Variants in PAK5 observed in about 807,000 individuals in gnomAD.
PAK5 encodes p21 (RAC1) activated kinase 5.
PAK5 carries 16 observed loss-of-function variants against 65.9 expected under a neutral mutation model. That is an observed-to-expected ratio of 0.24 (90% confidence interval 0.16 to 0.37). PAK5 has a LOEUF of 0.37. Among genes scored for constraint, PAK5 ranks in the 10% least tolerant of loss-of-function variants. PAK5 has a pLI of 1.00. For missense variants in PAK5, 785 were observed against 903.9 expected, an observed-to-expected ratio of 0.87 and a Z score of 1.69; for synonymous variants, 371 against 354.9, an observed-to-expected ratio of 1.05 and a Z score of -0.51.
chr20:9,765,885 C>T (rs1476510633), intron 1 of PAK5, among the ~76,000 whole-genome samples: 1 of 152,126 alleles, frequency 6.6e-6, no homozygotes, highest in Non-Finnish European at 1.5e-5. Context: ...ATGCTCACTG[C>T]AGCACTACTC....
At chr20:9,810,427 A>G (rs2049285357) in intron 1 of PAK5, among the ~76,000 whole-genome samples, 1 of 152,094 alleles carries the variant, frequency 6.6e-6, no homozygotes, top group Non-Finnish European at 1.5e-5. Flanking sequence ...TAAAAGAACT[A>G]GCCAGGAAGT....
At chr20:9,562,325 G>C (rs56822321) in intron 6 of PAK5, among the ~76,000 whole-genome samples, 1,905 of 152,228 alleles carry the variant, frequency 0.013, 35 homozygotes, top group African/African-American at 0.042. Context: ...GCACATAAAA[G>C]GTGCTCAATA....
At chr20:9,694,406 CT>C (rs2047841040) in intron 2 of PAK5, among the ~76,000 whole-genome samples, 1 of 151,382 alleles carries the variant, frequency 6.6e-6, no homozygotes, top group Admixed American at 6.6e-5. Context: ...TGTATTTCCT[CT>C]TCTCTCTTTT....
chr20:9,802,742 T>C (rs189387699), intron 1 of PAK5, among the ~76,000 whole-genome samples: 7 of 151,648 alleles, frequency 4.6e-5, no homozygotes, highest in African/African-American at 1.7e-4. Flanking sequence ...GATGTGATTG[T>C]TCTGCATCCC....
Position 9,544,477 on chromosome 20 carries a change from A to G in PAK5, c.1761T>C (p.Phe587=), listed in dbSNP as rs1400319687. 10 of 1,613,766 alleles carry G rather than the reference A, an allele frequency of 6.2e-6. No homozygotes were observed. Among genetic ancestry groups the G allele is most frequent in the Non-Finnish European group, 8.5e-6 (10 of 1,179,724 alleles). ...CTTTGGAAACTTGAGCACAGAAACC[A>G]AAATCAGACAACTTTATCTGAAAAG... ...TSDGRIKLSD[F]GFCAQVSKEV... The change falls in exon 8 of 10, where the codon TTT becomes TTC. Residue 587 remains phenylalanine, a synonymous_variant. Coordinates refer to ENST00000353224, the MANE Select transcript of PAK5 (RefSeq NM_177990.4).
At chr20:9,685,966 A>G (rs1378092607) in intron 2 of PAK5, among the ~76,000 whole-genome samples, 2 of 152,220 alleles carry the variant, frequency 1.3e-5, no homozygotes, top group African/African-American at 2.4e-5. Context: ...GTGTTGCTAC[A>G]TGCAATGAAC....
chr20:9,708,736 G>A lies in PAK5; in HGVS notation c.-12+2550C>T, dbSNP rs753934143. Among the ~76,000 whole-genome samples, 47 of 152,034 alleles carry A rather than the reference G, an allele frequency of 3.1e-4. 1 individual carries two copies. Among genetic ancestry groups the A allele is most frequent in the Admixed American group, 3.9e-4 (6 of 15,252 alleles). ...GGCACGTTACAAATACCAGGGAGTC[G>A]ACACTCCACACCTCCACCTAAGGGA... On this transcript the variant is annotated intron_variant, in intron 2 of 9. Transcript: ENST00000353224.
intron 1 of PAK5, among the ~76,000 whole-genome samples, chr20:9,820,852 A>G (rs1216064283): frequency 4.2e-5 from 5 of 119,490 alleles, no homozygotes; most frequent in Non-Finnish European, 9.0e-5. Flanking sequence ...GAAGAGCAGA[A>G]CTGTAACACT....
At chr20:9,566,944 A>T (rs771257566) in intron 4 of PAK5, among the ~76,000 whole-genome samples, 2 of 152,110 alleles carry the variant, frequency 1.3e-5, no homozygotes, top group Non-Finnish European at 2.9e-5. Flanking sequence ...ATGATGCTAG[A>T]CCCGAAAGAG....
intron 1 of PAK5, among the ~76,000 whole-genome samples, chr20:9,796,235 A>G (rs1255702184): frequency 6.6e-6 from 1 of 152,130 alleles, no homozygotes. Flanking sequence ...CATTTCAATA[A>G]TAATTTGCAA....
At chr20:9,637,964 T>C (rs980174606) in intron 3 of PAK5, among the ~76,000 whole-genome samples, 6 of 152,162 alleles carry the variant, frequency 3.9e-5, no homozygotes, top group African/African-American at 1.2e-4. Flanking sequence ...GTGGCTTTAG[T>C]CCACCTAGAA....
chr20:9,599,094 T>C (rs1603240933), intron 3 of PAK5, among the ~76,000 whole-genome samples: 1 of 152,220 alleles, frequency 6.6e-6, no homozygotes, highest in East Asian at 1.9e-4. Context: ...CTATCTAGCT[T>C]CCCCATATAA....
At chr20:9,585,083 A>G (rs1365692808) in intron 3 of PAK5, among the ~76,000 whole-genome samples, 2 of 152,196 alleles carry the variant, frequency 1.3e-5, no homozygotes, top group African/African-American at 4.8e-5. Context: ...ATGCTTAACT[A>G]TATTAGATTT....
intron 7 of PAK5, among the ~76,000 whole-genome samples, chr20:9,554,593 C>T (rs976625198): frequency 6.6e-5 from 10 of 152,108 alleles, no homozygotes; most frequent in South Asian, 2.1e-4. Context: ...TGAGATGCTT[C>T]GTTATAACAG....
At chr20:9,603,457 G>T (rs112199849) in intron 3 of PAK5, among the ~76,000 whole-genome samples, 114 of 152,196 alleles carry the variant, frequency 7.5e-4, no homozygotes, top group African/African-American at 2.6e-3. Flanking sequence ...CAGAGAATCA[G>T]CTCCTCCTGG....
At chr20:9,594,541 G>A (rs919543168) in intron 3 of PAK5, among the ~76,000 whole-genome samples, 9 of 152,184 alleles carry the variant, frequency 5.9e-5, no homozygotes, top group African/African-American at 2.2e-4. Flanking sequence ...TTGCTGGTTT[G>A]TATCTGAATC....
chr20:9,703,469 TG>T (rs2047965465), intron 2 of PAK5, among the ~76,000 whole-genome samples: 1 of 152,156 alleles, frequency 6.6e-6, no homozygotes, highest in Non-Finnish European at 1.5e-5. Flanking sequence ...ATGTGGAATG[TG>T]GGCTGTGCAG....
intron 1 of PAK5, among the ~76,000 whole-genome samples, chr20:9,793,601 G>A (rs2049073201): frequency 6.6e-6 from 1 of 152,050 alleles, no homozygotes; most frequent in African/African-American, 2.4e-5. Context: ...CTGATCATTA[G>A]ATAAATGCAA....
rs901482740 is a variant in PAK5 at position 9,562,960 on chromosome 20, C to G, written c.1547G>C (p.Gly516Ala). The part of the protein sequence containing the change: ...VVDMYSSYLV[G>A]DELWVVMEFL... ...CTCCATGACCACCCAGAGCTCATCG[C>G]CGACAAGGTAGCTGCTGTACATGTC... is the stretch of plus-strand genomic sequence containing the variant. The change falls in exon 6 of 10, where the codon GGC (glycine) becomes GCC (alanine). Residue 516 changes from glycine (G) to alanine (A), a missense_variant. Around this residue, in one of 4 missense-constraint regions of PAK5, gnomAD observed 182 missense variants for 273.0 expected, o/e 0.67. Transcript: ENST00000353224. 4 of 1,613,350 alleles carry G rather than the reference C, an allele frequency of 2.5e-6. No homozygotes were observed. Among genetic ancestry groups the G allele is most frequent in the Non-Finnish European group, 3.4e-6 (4 of 1,179,394 alleles).
Sources: gnomAD v4.1 joint callset for allele counts (sites outside exome capture counted in the v4.1 genomes callset) on GRCh38, gnomAD v4.1.1 for gene constraint, gnomAD v4.1.1 regional missense constraint, MANE v1.5 for transcripts, NCBI Gene and HGNC (gene_info 2026-07-23, HGNC 2026-07-21) for gene names.